FRMD6: variants seen among roughly 807,000 people sequenced by gnomAD.
FRMD6 encodes the protein FERM domain containing 6.
Under a neutral mutation model 73.2 loss-of-function variants are expected in FRMD6, and 37 were observed. That is an observed-to-expected ratio of 0.51 (90% CI 0.39 to 0.66). The LOEUF (loss-of-function observed/expected upper bound fraction) is 0.66, where lower values mean the gene tolerates loss of function less well. FRMD6 is among the 30% of genes least tolerant of loss of function. FRMD6 has a pLI of 0.00. For missense variants in FRMD6, 714 were observed against 780.5 expected (o/e 0.91, Z 1.02); for synonymous variants, 273 against 282.2 (o/e 0.97, Z 0.33).
the FRMD6 span, among the ~76,000 whole-genome samples, chr14:51,403,637 T>G: frequency 6.6e-6 from 1 of 152,032 alleles, no homozygotes; most frequent in Non-Finnish European, 1.5e-5. Flanking sequence ...CCTGGGCTCA[T>G]GCAGTCTGCT....
the FRMD6 span, among the ~76,000 whole-genome samples, chr14:51,409,094 G>C: frequency 3.3e-5 from 5 of 152,174 alleles, no homozygotes; most frequent in Middle Eastern, 3.4e-3. Flanking sequence ...CATTTCACAG[G>C]GATGGGGGCA....
the FRMD6 span, among the ~76,000 whole-genome samples, chr14:51,432,684 T>C: frequency 2.0e-5 from 3 of 152,186 alleles, no homozygotes; most frequent in Non-Finnish European, 4.4e-5. Context: ...TAACCCTGAA[T>C]ACTCAGACCA....
chr14:51,573,632 G>A (rs1036596688), intron 2 of FRMD6, among the ~76,000 whole-genome samples: 1 of 152,168 alleles, frequency 6.6e-6, no homozygotes, highest in Non-Finnish European at 1.5e-5. Context: ...TTCTTAGGAT[G>A]CTACTGTGGA....
chr14:51,681,473 T>G (rs898829645), intron 1 of FRMD6, among the ~76,000 whole-genome samples: 11 of 152,182 alleles, frequency 7.2e-5, no homozygotes, highest in African/African-American at 2.7e-4. Flanking sequence ...CACATGAATC[T>G]CAATTCAAAG....
chr14:51,705,371 C>G (rs72675835), intron 6 of FRMD6, among the ~76,000 whole-genome samples: 8,080 of 152,212 alleles, frequency 0.053, 309 homozygotes, highest in Non-Finnish European at 0.088. Flanking sequence ...CGGGGAGGAA[C>G]TAACCCCTTC....
chr14:51,590,333 G>T (rs1472575880), intron 2 of FRMD6, among the ~76,000 whole-genome samples: 1 of 151,890 alleles, frequency 6.6e-6, no homozygotes, highest in Non-Finnish European at 1.5e-5. Context: ...CGATTTTTTT[G>T]GTTTGTTTTT....
intron 2 of FRMD6, among the ~76,000 whole-genome samples, chr14:51,604,522 C>A (rs1890167551): frequency 6.6e-6 from 1 of 151,970 alleles, no homozygotes; most frequent in South Asian, 2.1e-4. Context: ...TTGCAGAAAT[C>A]ATTGGATATA....
the FRMD6 span, among the ~76,000 whole-genome samples, chr14:51,452,809 G>A: frequency 6.6e-6 from 1 of 152,318 alleles, no homozygotes; most frequent in African/African-American, 2.4e-5. Flanking sequence ...CAGGGTGTTA[G>A]AAGGCATACG....
At chr14:51,562,200 C>T (rs531870465) in intron 1 of FRMD6, among the ~76,000 whole-genome samples, 1 of 152,218 alleles carries the variant, frequency 6.6e-6, no homozygotes, top group Non-Finnish European at 1.5e-5. Context: ...TCTGCAGGCT[C>T]TATGATCAAA....
At chr14:51,703,181 G>T (rs112432360) in intron 5 of FRMD6, among the ~76,000 whole-genome samples, 1 of 152,050 alleles carries the variant, frequency 6.6e-6, no homozygotes, top group Non-Finnish European at 1.5e-5. Flanking sequence ...TTTTCTGGAG[G>T]TGTGTGCATG....
At chr14:51,431,715 A>AT in the FRMD6 span, among the ~76,000 whole-genome samples, 6 of 152,192 alleles carry the variant, frequency 3.9e-5, no homozygotes, top group East Asian at 1.2e-3. Context: ...CCCTTTATTT[A>AT]TTTTTTCCAA....
intron 1 of FRMD6, among the ~76,000 whole-genome samples, chr14:51,512,011 G>T (rs950096964): frequency 6.6e-6 from 1 of 152,108 alleles, no homozygotes; most frequent in East Asian, 1.9e-4. Flanking sequence ...AATACTTCAT[G>T]ATGTATGTAT....
intron 10 of FRMD6, among the ~76,000 whole-genome samples, chr14:51,716,132 A>T (rs1318776354): frequency 6.6e-6 from 1 of 152,142 alleles, no homozygotes; most frequent in Non-Finnish European, 1.5e-5. Flanking sequence ...AACGGGGATC[A>T]TGTCAGGGTG....
chr14:51,641,751 G>C (rs1204367109), intron 2 of FRMD6, among the ~76,000 whole-genome samples: 2 of 152,152 alleles, frequency 1.3e-5, no homozygotes, highest in African/African-American at 4.8e-5. Flanking sequence ...TCAAGTCGGG[G>C]CAGCAATTCT....
intron 2 of FRMD6, among the ~76,000 whole-genome samples, chr14:51,577,386 A>C (rs755325508): frequency 2.6e-5 from 4 of 152,226 alleles, no homozygotes; most frequent in Non-Finnish European, 5.9e-5. Flanking sequence ...TCCAGCCACT[A>C]TCATCATCAT....
At chr14:51,489,039 T>C (rs1882848861), upstream of FRMD6, 1 of 152,220 alleles carries the variant, frequency 6.6e-6, no homozygotes, top group African/African-American at 2.4e-5. Flanking sequence ...CAAAAAGTTA[T>C]GTCTGCTGTT....
intron 1 of FRMD6, among the ~76,000 whole-genome samples, chr14:51,514,879 A>G (rs946617160): frequency 6.6e-6 from 1 of 152,198 alleles, no homozygotes; most frequent in Non-Finnish European, 1.5e-5. Flanking sequence ...CTATGACGAC[A>G]AGAGGAGAAA....
chr14:51,467,503 G>A, the FRMD6 span, among the ~76,000 whole-genome samples: 1 of 152,198 alleles, frequency 6.6e-6, no homozygotes, highest in African/African-American at 2.4e-5. Flanking sequence ...ACGGGGTAGC[G>A]GCCAGGCAGA....
At chr14:51,723,637 A>G (rs1253098387) in intron 12 of FRMD6, among the ~76,000 whole-genome samples, 2 of 148,312 alleles carry the variant, frequency 1.3e-5, no homozygotes, top group South Asian at 4.3e-4. Flanking sequence ...AAAAAAAAAA[A>G]TTAGCTGCAG....
Sources: allele counts gnomAD v4.1 joint callset (sites outside exome capture counted in the v4.1 genomes callset), GRCh38; gene constraint gnomAD v4.1.1; transcripts MANE v1.5; gene names NCBI Gene and HGNC (gene_info 2026-07-23, HGNC 2026-07-21).